The following CYP39A1 variants were observed in gnomAD, a reference collection of about 807,000 sequenced individuals.
CYP39A1 encodes the protein cytochrome P450 family 39 subfamily A member 1.
CYP39A1 carries 49 observed loss-of-function variants against 58.1 expected under a neutral mutation model. That is an observed-to-expected ratio of 0.84 (90% CI 0.67 to 1.07). CYP39A1 has a LOEUF of 1.07. CYP39A1 is among the 50% of genes least tolerant of loss of function. CYP39A1 has a pLI of 0.00. For synonymous variants in CYP39A1, 209 were observed against 187.6 expected (o/e 1.11, Z -0.93); for missense variants, 531 against 539.4 (o/e 0.98, Z 0.16).
chr6:46,580,459 A>T (rs192716873), intron 10 of CYP39A1, among the ~76,000 whole-genome samples: 1 of 152,328 alleles, frequency 6.6e-6, no homozygotes, highest in Admixed American at 6.5e-5. Context: ...GGATTTCATG[A>T]TAAAGTCTCC....
At position 46,625,388 on chromosome 6, in the gene CYP39A1, T is replaced by C. The variant is rs766123520; in HGVS notation, c.931+30A>G. 1.1e-5 allele frequency: 16 copies of C among 1,467,168 alleles called. 1 individual carries two copies. In the Admixed American group the frequency reaches 2.4e-4, roughly 22 times the overall value. The allele number at this position is 1,467,168 out of a possible 1,614,324, so 90.9% of individuals were successfully genotyped here. A position where few individuals can be genotyped will look rare whatever the true frequency, so the allele number is the denominator to read the frequency against. The stretch of plus-strand genomic sequence containing the variant: ...TGTGTGACAAACATGCATTATTAGC[T>C]GTGTCTTCCTATATAATAAGGTTTA... On this transcript the variant is annotated intron_variant, in intron 7 of 11. Transcript: ENST00000275016.
chr6:46,624,130 T>C (rs1409588626), intron 7 of CYP39A1, among the ~76,000 whole-genome samples: 1 of 152,210 alleles, frequency 6.6e-6, no homozygotes, highest in Non-Finnish European at 1.5e-5. Context: ...GTTACACTTC[T>C]GTTGTGGCCT....
chr6:46,591,072 CTG>C (rs1236368844), intron 8 of CYP39A1, among the ~76,000 whole-genome samples: 2 of 152,112 alleles, frequency 1.3e-5, no homozygotes, highest in African/African-American at 4.8e-5. Context: ...TGTTATTCAA[CTG>C]TTTCCTCAAA....
chr6:46,556,025 A>C (rs1336446598), intron 10 of CYP39A1, among the ~76,000 whole-genome samples: 2 of 152,238 alleles, frequency 1.3e-5, no homozygotes, highest in Non-Finnish European at 2.9e-5. Flanking sequence ...AGAAAAAACA[A>C]CTTTGCTAAC....
At chr6:46,652,285 T>C (rs1762744557) in intron 1 of CYP39A1, 121 bp downstream of exon 1, 4 of 964,182 alleles carry the variant, frequency 4.1e-6, no homozygotes, top group Non-Finnish European at 4.5e-6. Context: ...ACTAGATCCT[T>C]TAGTTGAGGC....
At chr6:46,568,221 T>C (rs1023780841) in intron 10 of CYP39A1, among the ~76,000 whole-genome samples, 4 of 152,148 alleles carry the variant, frequency 2.6e-5, no homozygotes, top group Non-Finnish European at 5.9e-5. Flanking sequence ...GAAATGTCTA[T>C]TTAAGTTCTT....
intron 10 of CYP39A1, among the ~76,000 whole-genome samples, chr6:46,561,927 C>T (rs972462425): frequency 6.6e-6 from 1 of 152,120 alleles, no homozygotes; most frequent in Non-Finnish European, 1.5e-5. Flanking sequence ...TCAAGGGACA[C>T]ATTTCAGTTA....
chr6:46,640,822 G>C (rs912719929), intron 2 of CYP39A1, among the ~76,000 whole-genome samples: 4 of 140,468 alleles, frequency 2.8e-5, no homozygotes, highest in Admixed American at 2.4e-4. Flanking sequence ...TCATTTTATT[G>C]AAGTAACTTT....
intron 5 of CYP39A1, among the ~76,000 whole-genome samples, chr6:46,632,832 G>A (rs749086713): frequency 1.3e-5 from 2 of 151,912 alleles, no homozygotes; most frequent in African/African-American, 2.4e-5. Context: ...GGCCCCCTTA[G>A]AGACACAAAT....
intron 6 of CYP39A1, among the ~76,000 whole-genome samples, chr6:46,627,520 A>AC (rs1775394423): frequency 6.6e-6 from 1 of 151,260 alleles, no homozygotes; most frequent in Non-Finnish European, 1.5e-5. Context: ...CTGGGTTCAC[A>AC]CCATTCTTCT....
chr6:46,569,122 G>A (rs1771447337), intron 10 of CYP39A1, among the ~76,000 whole-genome samples: 1 of 151,890 alleles, frequency 6.6e-6, no homozygotes, highest in African/African-American at 2.4e-5. Flanking sequence ...ATTCCTAATT[G>A]TTTTATTCAT....
At chr6:46,615,511 A>C (rs940023339) in intron 7 of CYP39A1, among the ~76,000 whole-genome samples, 2 of 152,094 alleles carry the variant, frequency 1.3e-5, no homozygotes, top group African/African-American at 4.8e-5. Context: ...AATTAACTAG[A>C]ACACCTGTGT....
chr6:46,627,802 C>T (rs1775413828), intron 6 of CYP39A1, among the ~76,000 whole-genome samples: 1 of 152,044 alleles, frequency 6.6e-6, no homozygotes, highest in South Asian at 2.1e-4. Flanking sequence ...GATAAAAAGG[C>T]ATATAAAATA....
chr6:46,574,226 A>C (rs938746798), intron 10 of CYP39A1, among the ~76,000 whole-genome samples: 1 of 152,210 alleles, frequency 6.6e-6, no homozygotes, highest in Non-Finnish European at 1.5e-5. Context: ...CTTTATGAAG[A>C]TCCTGGAAGG....
At chr6:46,553,971 ACT>A in intron 10 of CYP39A1, 117 bp from the exon 11 acceptor site, 1 of 669,392 alleles carries the variant, frequency 1.5e-6, no homozygotes, top group Non-Finnish European at 2.5e-6. Context: ...TTTACAATAT[ACT>A]CTTTTCCTAT....
At chr6:46,622,595 G>A (rs779823638) in intron 7 of CYP39A1, among the ~76,000 whole-genome samples, 48 of 152,000 alleles carry the variant, frequency 3.2e-4, no homozygotes, top group Non-Finnish European at 4.9e-4. Flanking sequence ...GTGACAAAGT[G>A]AGACCCTGTT....
chr6:46,569,088 T>C (rs1276442907), intron 10 of CYP39A1, among the ~76,000 whole-genome samples: 1 of 152,144 alleles, frequency 6.6e-6, no homozygotes, highest in Non-Finnish European at 1.5e-5. Context: ...AGTGTATAAC[T>C]CTTTCACCTT....
chr6:46,612,347 C>A (rs1377383445), intron 7 of CYP39A1, among the ~76,000 whole-genome samples: 1 of 152,124 alleles, frequency 6.6e-6, no homozygotes, highest in Non-Finnish European at 1.5e-5. Flanking sequence ...AGGAAAATCA[C>A]AAGTTATGAG....
intron 10 of CYP39A1, among the ~76,000 whole-genome samples, chr6:46,580,405 A>G (rs1561962057): frequency 6.6e-6 from 1 of 152,224 alleles, no homozygotes; most frequent in East Asian, 1.9e-4. Flanking sequence ...AATGGCTGTA[A>G]AAGAAAATCA....
Sources: allele counts gnomAD v4.1 joint callset (sites outside exome capture counted in the v4.1 genomes callset), GRCh38; gene constraint gnomAD v4.1.1; transcripts MANE v1.5; gene names NCBI Gene and HGNC (gene_info 2026-07-23, HGNC 2026-07-21).